The following KCNH5 variants were observed in gnomAD, a reference collection of about 807,000 sequenced individuals.
The protein encoded by KCNH5 is voltage-gated delayed rectifier potassium channel KCNH5.
Under a neutral mutation model 96.1 loss-of-function variants are expected in KCNH5, and 46 were observed. That is an observed-to-expected ratio of 0.48 (90% CI 0.38 to 0.61). KCNH5 has a LOEUF of 0.61. Ranked by LOEUF, KCNH5 falls within the 20% of genes least tolerant of loss-of-function variation. The probability of loss-of-function intolerance (pLI) is 0.00; values close to 1 mark genes in which losing one functional copy is unlikely to be tolerated. For missense variants in KCNH5, 907 were observed against 1,225.8 expected (o/e 0.74, Z 3.88); for synonymous variants, 439 against 449.8 (o/e 0.98, Z 0.30).
chr14:62,789,705 C>T (rs942998075), intron 9 of KCNH5, among the ~76,000 whole-genome samples: 1 of 151,784 alleles, frequency 6.6e-6, no homozygotes, highest in Non-Finnish European at 1.5e-5. Context: ...TTTCATATAC[C>T]TGATGGTTAT....
intron 7 of KCNH5, among the ~76,000 whole-genome samples, chr14:62,886,392 C>T (rs1566695182): frequency 6.6e-6 from 1 of 152,148 alleles, no homozygotes; most frequent in Non-Finnish European, 1.5e-5. Context: ...CAGAATCCTG[C>T]AGGGTTCATG....
chr14:62,903,470 G>A (rs1888968697), intron 7 of KCNH5, among the ~76,000 whole-genome samples: 2 of 152,314 alleles, frequency 1.3e-5, no homozygotes, highest in South Asian at 4.1e-4. Context: ...ATGAGAACTA[G>A]GAGGACAGTT....
chr14:62,742,892 T>A (rs191690690), intron 10 of KCNH5, among the ~76,000 whole-genome samples: 5 of 152,292 alleles, frequency 3.3e-5, no homozygotes, highest in African/African-American at 7.2e-5. Context: ...TGAATCGTAG[T>A]GACCTGGTAC....
chr14:62,719,345 C>A (rs1884755909), intron 10 of KCNH5, among the ~76,000 whole-genome samples: 1 of 152,188 alleles, frequency 6.6e-6, no homozygotes, highest in East Asian at 1.9e-4. Context: ...GGTTGCACAC[C>A]CATGAAGCCA....
In KCNH5 at chr14:63,017,042, G is replaced by C. The variant is rs965282484; in HGVS notation, c.74-88C>G. On this transcript the variant is annotated intron_variant, in intron 1 of 10. Coordinates refer to ENST00000322893, the MANE Select transcript of KCNH5 (RefSeq NM_139318.5). ...GTAATCAAAAAGGCAAACTTATAAAGATGGACACATACAACTATGGTTTGT... is the reference window on the plus strand; with the variant it reads ...GTAATCAAAAAGGCAAACTTATAAACATGGACACATACAACTATGGTTTGT... 1.2e-5 allele frequency: 15 copies of C among 1,241,904 alleles called. No homozygotes were observed. In the East Asian group the frequency reaches 3.6e-4, roughly 30 times the overall value. The allele number at this position is 1,241,904 out of a possible 1,614,324, so 76.9% of individuals were successfully genotyped here.
At chr14:62,853,473 A>C (rs1425262975) in intron 7 of KCNH5, among the ~76,000 whole-genome samples, 4 of 113,118 alleles carry the variant, frequency 3.5e-5, no homozygotes, top group Middle Eastern at 7.9e-3. Flanking sequence ...ATATATATAT[A>C]TATATATCAT....
intron 4 of KCNH5, among the ~76,000 whole-genome samples, chr14:62,994,881 C>G (rs1022362056): frequency 9.2e-5 from 14 of 152,084 alleles, no homozygotes; most frequent in African/African-American, 2.7e-4. Flanking sequence ...CATACATTAA[C>G]TACTCCATCA....
chr14:62,887,276 T>C (rs1428615310), intron 7 of KCNH5, among the ~76,000 whole-genome samples: 1 of 152,152 alleles, frequency 6.6e-6, no homozygotes, highest in Non-Finnish European at 1.5e-5. Flanking sequence ...AAATCAGTTC[T>C]TGATTAAGGG....
chr14:62,996,288 C>T (rs964206153), intron 4 of KCNH5, among the ~76,000 whole-genome samples: 1 of 152,116 alleles, frequency 6.6e-6, no homozygotes, highest in African/African-American at 2.4e-5. Flanking sequence ...GTAGCTCCTA[C>T]ACACCATTCA....
intron 10 of KCNH5, among the ~76,000 whole-genome samples, chr14:62,715,137 T>A (rs1473202282): frequency 1.3e-5 from 2 of 152,194 alleles, no homozygotes; most frequent in African/African-American, 4.8e-5. Context: ...AAGTAGGACA[T>A]TTGATCATAA....
intron 10 of KCNH5, among the ~76,000 whole-genome samples, chr14:62,776,799 G>A (rs889951699): frequency 2.0e-5 from 3 of 152,188 alleles, no homozygotes; most frequent in Admixed American, 1.3e-4. Context: ...CGCACAGTAA[G>A]CATCTTATTT....
intron 1 of KCNH5, among the ~76,000 whole-genome samples, chr14:63,040,985 A>T (rs753751722): frequency 3.3e-5 from 5 of 152,088 alleles, no homozygotes; most frequent in Non-Finnish European, 7.4e-5. Context: ...CTAGTTTTCC[A>T]CAAAACTAAA....
chr14:62,840,570 T>TC (rs1887563435), intron 8 of KCNH5, among the ~76,000 whole-genome samples: 1 of 118,842 alleles, frequency 8.4e-6, no homozygotes, highest in Non-Finnish European at 1.9e-5. Context: ...TTTTTTCTTT[T>TC]TTTTTTTTTT....
intron 8 of KCNH5, among the ~76,000 whole-genome samples, chr14:62,817,525 G>C (rs776088198): frequency 8.7e-5 from 13 of 149,340 alleles, no homozygotes; most frequent in African/African-American, 2.9e-4. Flanking sequence ...AGTGAAGAGA[G>C]CTTATGGAAA....
intron 6 of KCNH5, among the ~76,000 whole-genome samples, chr14:62,959,171 CATA>C (rs981508605): frequency 3.9e-4 from 60 of 152,174 alleles, no homozygotes; most frequent in African/African-American, 1.4e-3. Flanking sequence ...AGGTAAATAG[CATA>C]ATAATTCCCC....
chr14:62,759,225 A>G (rs561851958), intron 10 of KCNH5, among the ~76,000 whole-genome samples: 213 of 117,862 alleles, frequency 1.8e-3, no homozygotes, highest in Non-Finnish European at 2.9e-3. Flanking sequence ...GTCTTCTTTC[A>G]TCAAAATTAG....
At chr14:63,041,243 G>A (rs1891818903) in intron 1 of KCNH5, among the ~76,000 whole-genome samples, 1 of 152,078 alleles carries the variant, frequency 6.6e-6, no homozygotes, top group Admixed American at 6.5e-5. Flanking sequence ...TAACCTAAAA[G>A]TCCTAAAAAC....
chr14:62,938,156 G>T (rs757776873), intron 7 of KCNH5, among the ~76,000 whole-genome samples: 4 of 152,162 alleles, frequency 2.6e-5, no homozygotes, highest in Admixed American at 6.5e-5. Flanking sequence ...TTAAGATCTG[G>T]TGGGGGGGTG....
chr14:62,817,033 G>A (rs1187561794), intron 8 of KCNH5, among the ~76,000 whole-genome samples: 2 of 141,068 alleles, frequency 1.4e-5, no homozygotes, highest in African/African-American at 2.6e-5. Context: ...TTTTGTTCAC[G>A]TATTACTTTT....
Sources: gnomAD v4.1 joint callset for allele counts (sites outside exome capture counted in the v4.1 genomes callset) on GRCh38, gnomAD v4.1.1 for gene constraint, MANE v1.5 for transcripts, NCBI Gene and HGNC (gene_info 2026-07-23, HGNC 2026-07-21) for gene names.